Variants in FAM20C observed in about 807,000 individuals in gnomAD.
FAM20C encodes FAM20C golgi associated secretory pathway kinase.
A neutral mutation model predicts 51.5 loss-of-function variants in FAM20C; 40 were observed. That is an observed-to-expected ratio of 0.78 (90% CI 0.60 to 1.01). The LOEUF (loss-of-function observed/expected upper bound fraction) is 1.01, where lower values mean the gene tolerates loss of function less well. FAM20C is among the 50% of genes least tolerant of loss of function. The pLI is 0.00. For synonymous variants in FAM20C, 406 were observed against 380.6 expected, an observed-to-expected ratio of 1.07 and a Z score of -0.78; for missense variants, 861 against 844.7, an observed-to-expected ratio of 1.02 and a Z score of -0.24.
intron 3 of FAM20C, among the ~76,000 whole-genome samples, chr7:211,073 C>A (rs1786683858): frequency 6.6e-6 from 1 of 151,826 alleles, no homozygotes; most frequent in Admixed American, 6.6e-5. Context: ...TCCAGTGTCC[C>A]CTTAAGCCCA....
intron 3 of FAM20C, among the ~76,000 whole-genome samples, chr7:212,731 C>T (rs1015024935): frequency 1.3e-5 from 2 of 152,212 alleles, no homozygotes; most frequent in African/African-American, 2.4e-5. Flanking sequence ...GGCACATCAA[C>T]CCAAGCGCTC....
intron 2 of FAM20C, among the ~76,000 whole-genome samples, chr7:198,773 T>C (rs992084261): frequency 1.3e-5 from 2 of 152,066 alleles, no homozygotes; most frequent in African/African-American, 4.8e-5. Context: ...CTGCAGCATT[T>C]TGGGGGAAGC....
At chr7:228,249 C>A (rs757927780) in intron 3 of FAM20C, 3 of 334,404 alleles carry the variant, frequency 9.0e-6, no homozygotes, top group Non-Finnish European at 1.8e-5. Context: ...GGTCAGTAGG[C>A]GACCCCTGCC....
intron 2 of FAM20C, among the ~76,000 whole-genome samples, chr7:208,513 A>AGGTGTGTGTGATGTGTAGTGTGTGGGTGT (rs1786547230): frequency 9.2e-6 from 1 of 108,162 alleles, no homozygotes; most frequent in Non-Finnish European, 2.0e-5. Flanking sequence ...GAGTGTATGT[A>AGGTGTGTGTGATGTGTAGTGTGTGGGTGT]GGTGTGTGTG....
intron 5 of FAM20C, among the ~76,000 whole-genome samples, chr7:251,026 C>T (rs1441238786): frequency 1.3e-5 from 2 of 152,236 alleles, no homozygotes; most frequent in Non-Finnish European, 2.9e-5. Context: ...ATGATGCCCA[C>T]TGATGCTGAG....
chr7:260,163 C>A lies in FAM20C; in HGVS notation c.*183C>A. 1 of 863,820 alleles carries A rather than the reference C, an allele frequency of 1.2e-6. No individual in the cohort carries two copies. 53.5% of individuals were successfully genotyped at this position (863,820 alleles called of 1,614,324 possible). ...TAGGACACATTTTGTCAGTGTTTGACCAGAAAAGCTTGGGAAGGAAGCGCT... is the reference window on the plus strand; with the variant it reads ...TAGGACACATTTTGTCAGTGTTTGAACAGAAAAGCTTGGGAAGGAAGCGCT... On this transcript the variant is annotated 3_prime_UTR_variant, in exon 10 of 10. Transcript: ENST00000313766.
intron 3 of FAM20C, among the ~76,000 whole-genome samples, chr7:223,645 C>CT (rs1787336908): frequency 6.6e-6 from 1 of 152,182 alleles, no homozygotes; most frequent in South Asian, 2.1e-4. Flanking sequence ...GGGACGGCAC[C>CT]TGGTGCCTGC....
chr7:237,195 T>C (rs1787874322), intron 3 of FAM20C, among the ~76,000 whole-genome samples: 1 of 152,202 alleles, frequency 6.6e-6, no homozygotes, highest in Non-Finnish European at 1.5e-5. Flanking sequence ...TCAGGAACTG[T>C]GCTAGAATCA....
chr7:218,149 C>T (rs1787090780), intron 3 of FAM20C, among the ~76,000 whole-genome samples: 2 of 152,200 alleles, frequency 1.3e-5, no homozygotes, highest in African/African-American at 4.8e-5. Flanking sequence ...ACACGAGCTG[C>T]CAGGCAGGCC....
chr7:210,853 C>G (rs28461457), intron 3 of FAM20C, among the ~76,000 whole-genome samples: 3 of 152,046 alleles, frequency 2.0e-5, no homozygotes, highest in Non-Finnish European at 4.4e-5. Context: ...TACCGAGCCG[C>G]TGCTCTAACC....
intron 3 of FAM20C, among the ~76,000 whole-genome samples, chr7:211,013 G>A (rs569418951): frequency 3.9e-5 from 6 of 152,116 alleles, no homozygotes; most frequent in East Asian, 3.9e-4. Flanking sequence ...GCGTAAAGAC[G>A]AGAGAACTGG....
At chr7:227,635 C>A (rs1379605111) in intron 3 of FAM20C, 1 of 152,116 alleles carries the variant, frequency 6.6e-6, no homozygotes, top group Admixed American at 6.5e-5. Flanking sequence ...GATGTCTGCA[C>A]CTGTGTTTTC....
intron 3 of FAM20C, among the ~76,000 whole-genome samples, chr7:213,207 G>A (rs1301032024): frequency 7.3e-6 from 1 of 137,816 alleles, no homozygotes; most frequent in African/African-American, 2.5e-5. Context: ...GAGTTGTGCA[G>A]TGTGTAGTCC....
chr7:256,739 A>T lies in FAM20C; in HGVS notation c.1339A>T (p.Met447Leu), dbSNP rs1291975672. Residue 447 changes from methionine (M) to leucine (L), a missense_variant, in exon 7 of 10, where the codon ATG (methionine) becomes TTG (leucine). Transcript: ENST00000313766. ...SSHRILDVMD[M>L]TIFDFLMGNM... ...CCACCGCATCCTGGACGTCATGGAC[A>T]TGACGATCTTCGACTTCCTCATGGG... 6.5e-7 allele frequency: 1 copy of T among 1,536,060 alleles called. No homozygotes were observed. The highest frequency in any genetic ancestry group is 8.7e-7 in the Non-Finnish European group (1 of 1,146,838).
intron 3 of FAM20C, among the ~76,000 whole-genome samples, chr7:210,778 T>C (rs1370460598): frequency 1.3e-5 from 2 of 152,114 alleles, no homozygotes; most frequent in Non-Finnish European, 2.9e-5. Context: ...GTGTGAATCC[T>C]CAGGCCCCGT....
intron 3 of FAM20C, among the ~76,000 whole-genome samples, chr7:223,262 G>C (rs796513748): frequency 1.1e-4 from 16 of 152,206 alleles, no homozygotes; most frequent in Admixed American, 3.3e-4. Context: ...GGATGGAGAC[G>C]TGGGGATTTC....
intron 2 of FAM20C, among the ~76,000 whole-genome samples, chr7:208,621 C>T (rs1009309476): frequency 6.6e-6 from 1 of 150,850 alleles, no homozygotes; most frequent in African/African-American, 2.4e-5. Context: ...CGTGTGTGTC[C>T]AGGTAAGCAC....
chr7:251,587 T>C (rs920286357), intron 5 of FAM20C, among the ~76,000 whole-genome samples: 1 of 152,016 alleles, frequency 6.6e-6, no homozygotes, highest in Non-Finnish European at 1.5e-5. Flanking sequence ...ATGTCCCATG[T>C]TGGCTGACAC....
chr7:219,247 G>T (rs1038451698), intron 3 of FAM20C, among the ~76,000 whole-genome samples: 1 of 152,166 alleles, frequency 6.6e-6, no homozygotes, highest in African/African-American at 2.4e-5. Context: ...GTGGAGAATG[G>T]GGGGAGGGGC....
Sources: gnomAD v4.1 joint callset for allele counts (sites outside exome capture counted in the v4.1 genomes callset) on GRCh38, gnomAD v4.1.1 for gene constraint, MANE v1.5 for transcripts, NCBI Gene and HGNC (gene_info 2026-07-23, HGNC 2026-07-21) for gene names.